SWT1: variants seen among roughly 807,000 people sequenced by gnomAD.
SWT1 encodes the protein SWT1 RNA endoribonuclease homolog.
SWT1 carries 33 observed loss-of-function variants against 107.3 expected under a neutral mutation model. That is an observed-to-expected ratio of 0.31 (90% CI 0.23 to 0.41). The LOEUF (loss-of-function observed/expected upper bound fraction) is 0.41. SWT1 is among the 10% of genes least tolerant of loss of function. SWT1 has a pLI of 1.00. For synonymous variants in SWT1, 345 were observed against 348.3 expected, an observed-to-expected ratio of 0.99 and a Z score of 0.11; for missense variants, 898 against 1,028.9, an observed-to-expected ratio of 0.87 and a Z score of 1.74.
intron 14 of SWT1, among the ~76,000 whole-genome samples, chr1:185,218,655 C>T (rs1296803413): frequency 1.3e-5 from 2 of 151,986 alleles, no homozygotes; most frequent in African/African-American, 2.4e-5. Context: ...GAAAAGGATA[C>T]GTACACTTTC....
intron 13 of SWT1, among the ~76,000 whole-genome samples, chr1:185,212,848 A>G (rs1431688825): frequency 6.6e-6 from 1 of 152,052 alleles, no homozygotes; most frequent in Non-Finnish European, 1.5e-5. Flanking sequence ...TTTGAATGAG[A>G]AAAATCACAG....
intron 13 of SWT1, among the ~76,000 whole-genome samples, chr1:185,210,180 A>C (rs972136954): frequency 6.6e-6 from 1 of 152,028 alleles, no homozygotes; most frequent in Non-Finnish European, 1.5e-5. Context: ...TTGCCTGTTC[A>C]CTCTGATGAT....
At chr1:185,273,353 C>G (rs752801522) in intron 17 of SWT1, among the ~76,000 whole-genome samples, 1 of 151,704 alleles carries the variant, frequency 6.6e-6, no homozygotes, top group Non-Finnish European at 1.5e-5. Flanking sequence ...TGCAGTGAGC[C>G]GAGATTGCAC....
At chr1:185,202,371 T>C (rs1657953127) in intron 10 of SWT1, among the ~76,000 whole-genome samples, 1 of 152,164 alleles carries the variant, frequency 6.6e-6, no homozygotes, top group South Asian at 2.1e-4. Flanking sequence ...TACTTAACTT[T>C]ACACCTCAAT....
chr1:185,215,058 T>G (rs1659109398), intron 14 of SWT1, among the ~76,000 whole-genome samples: 1 of 152,230 alleles, frequency 6.6e-6, no homozygotes, highest in South Asian at 2.1e-4. Flanking sequence ...CAGTGTTACT[T>G]GGTAATGTTG....
At chr1:185,219,905 G>T (rs768274221) in intron 14 of SWT1, among the ~76,000 whole-genome samples, 9 of 151,910 alleles carry the variant, frequency 5.9e-5, no homozygotes, top group Non-Finnish European at 8.8e-5. Flanking sequence ...GAAGGCCAAG[G>T]TGGGCAGATT....
intron 18 of SWT1, among the ~76,000 whole-genome samples, chr1:185,284,260 T>C (rs1441720830): frequency 1.3e-5 from 2 of 152,226 alleles, no homozygotes; most frequent in Non-Finnish European, 2.9e-5. Flanking sequence ...GTATATCTTC[T>C]GGAGAAATGT....
intron 4 of SWT1, among the ~76,000 whole-genome samples, chr1:185,169,491 G>C (rs1654866598): frequency 6.6e-6 from 1 of 152,078 alleles, no homozygotes; most frequent in Non-Finnish European, 1.5e-5. Context: ...CCATAATACA[G>C]ATGAAAAATT....
intron 16 of SWT1, among the ~76,000 whole-genome samples, chr1:185,237,742 A>G (rs1238205823): frequency 6.6e-6 from 1 of 152,110 alleles, no homozygotes; most frequent in Non-Finnish European, 1.5e-5. Flanking sequence ...GCCCTACCTT[A>G]ATCCTATTAA....
At chr1:185,266,933 C>CT (rs960249805) in intron 16 of SWT1, among the ~76,000 whole-genome samples, 105 of 150,860 alleles carry the variant, frequency 7.0e-4, no homozygotes, top group Non-Finnish European at 5.9e-4. Flanking sequence ...TAAAAGACAG[C>CT]TTTTTTTTTG....
chr1:185,219,993 A>G lies in SWT1; in HGVS notation c.2122-1856A>G, dbSNP rs115654518. On this transcript the variant is annotated intron_variant, in intron 14 of 18. Transcript: ENST00000367500. ...ACTCTGTCTCTACAACAAATAAAAAAAATTAGCTGGGCCTGATGGCTTGCA... is the reference window on the plus strand; with the variant it reads ...ACTCTGTCTCTACAACAAATAAAAAGAATTAGCTGGGCCTGATGGCTTGCA... 1.8e-3 allele frequency among the ~76,000 whole-genome samples: 270 copies of G among 152,066 alleles called. 2 individuals are homozygous for G. Among genetic ancestry groups the G allele is most frequent in the African/African-American group, 6.2e-3 (258 of 41,480 alleles).
intron 16 of SWT1, among the ~76,000 whole-genome samples, chr1:185,259,081 A>G (rs1032420712): frequency 3.3e-5 from 5 of 152,084 alleles, no homozygotes; most frequent in Admixed American, 2.6e-4. Context: ...AAATTTTTTG[A>G]TCACTTAAAA....
intron 16 of SWT1, among the ~76,000 whole-genome samples, chr1:185,270,121 C>T (rs1663746709): frequency 6.6e-6 from 1 of 151,876 alleles, no homozygotes; most frequent in South Asian, 2.1e-4. Flanking sequence ...TTGCAGTAGC[C>T]CTACGAAGTA....
At chr1:185,183,249 T>C (rs1460920267) in intron 7 of SWT1, among the ~76,000 whole-genome samples, 1 of 152,200 alleles carries the variant, frequency 6.6e-6, no homozygotes, top group East Asian at 1.9e-4. Context: ...ATAACAATGC[T>C]AGAATTATTA....
chr1:185,201,294 G>T (rs1657856908), intron 10 of SWT1, among the ~76,000 whole-genome samples: 1 of 152,048 alleles, frequency 6.6e-6, no homozygotes, highest in Non-Finnish European at 1.5e-5. Context: ...GCGCCACTGG[G>T]ATATGAAAAA....
At chr1:185,255,174 T>A (rs1439074626) in intron 16 of SWT1, among the ~76,000 whole-genome samples, 1 of 152,192 alleles carries the variant, frequency 6.6e-6, no homozygotes, top group Non-Finnish European at 1.5e-5. Flanking sequence ...TTCTTTTACA[T>A]CTGTTGAGGA....
chr1:185,206,558 A>G, intron 12 of SWT1, 67 bp from the exon 13 acceptor site: 1 of 963,854 alleles, frequency 1.0e-6, no homozygotes, highest in Non-Finnish European at 1.4e-6. Flanking sequence ...GAATTCCTAA[A>G]TAGGTACTTT....
At chr1:185,280,386 G>A (rs1355499547) in intron 18 of SWT1, among the ~76,000 whole-genome samples, 1 of 152,108 alleles carries the variant, frequency 6.6e-6, no homozygotes, top group Admixed American at 6.5e-5. Flanking sequence ...AATGACAGTC[G>A]CTGACTCTGG....
chr1:185,237,645 T>C (rs1660986034), intron 16 of SWT1, among the ~76,000 whole-genome samples: 1 of 152,126 alleles, frequency 6.6e-6, no homozygotes, highest in East Asian at 1.9e-4. Flanking sequence ...CGTGTATACC[T>C]ATGTAACAAA....
Sources: gnomAD v4.1 joint callset for allele counts (sites outside exome capture counted in the v4.1 genomes callset) on GRCh38, gnomAD v4.1.1 for gene constraint, MANE v1.5 for transcripts, NCBI Gene and HGNC (gene_info 2026-07-23, HGNC 2026-07-21) for gene names.